The following GAS6 variants were observed in gnomAD, a reference collection of about 807,000 sequenced individuals.
The protein encoded by GAS6 is growth arrest specific 6.
In GAS6, 41 loss-of-function variants were observed where a neutral mutation model predicts 75.8. That is an observed-to-expected ratio of 0.54 (90% CI 0.42 to 0.70). GAS6 has a LOEUF of 0.70. GAS6 is among the 30% of genes least tolerant of loss of function. The pLI, the probability that GAS6 is intolerant of heterozygous loss-of-function variation, is 0.00. For missense variants in GAS6, 854 were observed against 940.2 expected (o/e 0.91, Z 1.20); for synonymous variants, 432 against 412.6 (o/e 1.05, Z -0.57).
rs1375102025 is a variant in GAS6 at position 113,863,420 on chromosome 13, G to A, written c.255+155C>T. 1.3e-5 allele frequency among the ~76,000 whole-genome samples: 2 copies of A among 152,102 alleles called. No homozygotes were observed. Among genetic ancestry groups the A allele is most frequent in the African/African-American group, 4.8e-5 (2 of 41,440 alleles). On this transcript the variant is annotated intron_variant, in intron 2 of 14. Transcript: ENST00000327773. This position sits in a 1 kb window ranked among gnomAD's most constrained non-coding sequence, Gnocchi z 9.4. ...GGATCCCGGGGTCGCCGGGGGATGG[G>A]CGTGGGGGACGCGGGGCGGGCCGGG... is the stretch of plus-strand genomic sequence containing the variant.
rs1048358374 is a variant in GAS6 at position 113,845,729 on chromosome 13, G to C, written c.343+798C>G. 3.6e-5 allele frequency: 5 copies of C among 140,844 alleles called. No individual in the cohort carries two copies. Among genetic ancestry groups the C allele is most frequent in the African/African-American group, 1.4e-4 (5 of 35,966 alleles). The allele number at this position is 140,844 out of a possible 1,614,324, so 8.7% of individuals were successfully genotyped here. A position where few individuals can be genotyped will look rare whatever the true frequency, so the allele number is the denominator to read the frequency against. ...ACAGTTTTTAAACCTATGAAGGACA[G>C]CTTTACTCATTAGTTAAAAAAAAAA... On this transcript the variant is annotated intron_variant, in intron 4 of 14. Coordinates refer to ENST00000327773, the MANE Select transcript of GAS6 (RefSeq NM_000820.4). This position sits in a 1 kb window ranked among gnomAD's most constrained non-coding sequence, Gnocchi z 4.3.
intron 14 of GAS6, 42 bp downstream of exon 14, chr13:113,821,916 T>C: frequency 1.4e-6 from 2 of 1,460,558 alleles, no homozygotes; most frequent in Non-Finnish European, 1.8e-6. Flanking sequence ...TGGGCCTCCC[T>C]GGAGCTCTTC....
At chr13:113,836,171 A>T in intron 6 of GAS6, 1 of 415,466 alleles carries the variant, frequency 2.4e-6, no homozygotes, top group Non-Finnish European at 2.9e-6. Flanking sequence ...TAGTCACCAG[A>T]GGAGAGCAAA....
chr13:113,823,801 C>T (rs2051493938), intron 12 of GAS6, among the ~76,000 whole-genome samples: 1 of 152,254 alleles, frequency 6.6e-6, no homozygotes, highest in Non-Finnish European at 1.5e-5. Flanking sequence ...CTGTAGGTGA[C>T]CACCAGGCCA....
chr13:113,846,577 T>C lies in GAS6; in HGVS notation c.293A>G (p.Lys98Arg), dbSNP rs2051835623. The change falls in exon 4 of 15, where the codon AAG (lysine) becomes AGG (arginine). Residue 98 changes from lysine (K) to arginine (R), a missense_variant. Coordinates refer to ENST00000327773, the MANE Select transcript of GAS6 (RefSeq NM_000820.4). ...GTTTTTGGTGTACGGAGACCCATAC[T>C]TGTTGATGCAGTCTGCAGGAAGAAA... ...FYPRYLDCIN[K>R]YGSPYTKNSG... 1 of 1,613,884 alleles carries C rather than the reference T, an allele frequency of 6.2e-7. No individual in the cohort carries two copies. Among genetic ancestry groups the C allele is most frequent in the African/African-American group, 1.3e-5 (1 of 74,942 alleles).
At chr13:113,862,330 C>T (rs779683540) in intron 2 of GAS6, among the ~76,000 whole-genome samples, 1 of 152,200 alleles carries the variant, frequency 6.6e-6, no homozygotes, top group African/African-American at 2.4e-5. Flanking sequence ...TCCCTGTGCA[C>T]GCAGAATGTT....
At chr13:113,854,785 G>A (rs1184886085) in intron 2 of GAS6, among the ~76,000 whole-genome samples, 2 of 152,266 alleles carry the variant, frequency 1.3e-5, no homozygotes, top group African/African-American at 4.8e-5. Context: ...CCACACAGCT[G>A]TTGGATGGGA....
chr13:113,850,978 A>C (rs2051868594), intron 2 of GAS6, among the ~76,000 whole-genome samples: 1 of 152,124 alleles, frequency 6.6e-6, no homozygotes, highest in Non-Finnish European at 1.5e-5. Flanking sequence ...TGGATGGGTG[A>C]ATAACCAGAT....
chr13:113,860,287 C>G (rs930242333), intron 2 of GAS6, among the ~76,000 whole-genome samples: 2 of 152,148 alleles, frequency 1.3e-5, no homozygotes, highest in Admixed American at 6.5e-5. Context: ...CACCAGCCCT[C>G]GGTGAATATT....
chr13:113,841,478 TCCATATGCCTCAATTTCC>T, intron 4 of GAS6: 7 of 152,066 alleles, frequency 4.6e-5, no homozygotes, highest in African/African-American at 1.8e-4. Flanking sequence ...CCCAGTTTCC[TCCATATGCCTCAATTTCC>T]TCCATACGCC....
intron 3 of GAS6, 46 bp downstream of exon 3, chr13:113,847,980 A>G: frequency 6.3e-7 from 1 of 1,575,324 alleles, no homozygotes; most frequent in Non-Finnish European, 8.7e-7. Context: ...CGCACCCCCA[A>G]CTATGCCTCT....
Position 113,863,253 on chromosome 13 carries a change from G to A in GAS6, c.255+322C>T, listed in dbSNP as rs1008576033. Among the ~76,000 whole-genome samples the A allele has an allele frequency of 6.6e-6, 1 of 152,220 alleles. No individual in the cohort carries two copies. Among genetic ancestry groups the A allele is most frequent in the African/African-American group, 2.4e-5 (1 of 41,470 alleles). ...TTCCTCACCTCCAGCCCAGCAGAGG[G>A]AGGGCCGCGGGGAAGCGGTTTGGGT... On this transcript the variant is annotated intron_variant, in intron 2 of 14. Coordinates refer to ENST00000327773, the MANE Select transcript of GAS6 (RefSeq NM_000820.4). The surrounding 1 kb of genome is among the most constrained non-coding windows in gnomAD (Gnocchi z 9.4).
chr13:113,858,873 A>C (rs200364526), intron 2 of GAS6, among the ~76,000 whole-genome samples: 28 of 144,984 alleles, frequency 1.9e-4, no homozygotes, highest in African/African-American at 2.6e-4. Context: ...ATGTGTGTAC[A>C]TGACTATGTA....
intron 4 of GAS6, chr13:113,841,945 CA>C (rs2051786531): frequency 7.2e-6 from 1 of 139,028 alleles, no homozygotes; most frequent in Admixed American, 7.1e-5. Flanking sequence ...TTCTTCCATA[CA>C]CCCCACAGTT....
intron 2 of GAS6, among the ~76,000 whole-genome samples, chr13:113,852,553 C>G (rs2051884260): frequency 6.6e-6 from 1 of 152,218 alleles, no homozygotes. Flanking sequence ...GAGTAGATGC[C>G]ACCTCCGGAC....
chr13:113,862,233 C>CT (rs1195558439), intron 2 of GAS6, among the ~76,000 whole-genome samples: 2 of 152,232 alleles, frequency 1.3e-5, no homozygotes, highest in African/African-American at 4.8e-5. Context: ...GCGGCCAGGC[C>CT]TTGCAGGGCT....
At chr13:113,835,923 C>T (rs1387063593) in intron 6 of GAS6, 13 of 1,267,936 alleles carry the variant, frequency 1.0e-5, no homozygotes, top group East Asian at 3.4e-5. Context: ...CGGCGGTGCA[C>T]GCTGTGCTGT....
At position 113,845,627 on chromosome 13, in the gene GAS6, T is replaced by A. The variant is rs1206742537; in HGVS notation, c.343+900A>T. 1 of 140,136 alleles carries A rather than the reference T, an allele frequency of 7.1e-6. No homozygotes were observed. The highest frequency in any genetic ancestry group is 1.5e-5 in the Non-Finnish European group (1 of 67,168). 8.7% of individuals were successfully genotyped at this position (140,136 alleles called of 1,614,324 possible). A position where few individuals can be genotyped will look rare whatever the true frequency, so the allele number is the denominator to read the frequency against. On this transcript the variant is annotated intron_variant, in intron 4 of 14. Coordinates refer to ENST00000327773, the MANE Select transcript of GAS6 (RefSeq NM_000820.4). This position sits in a 1 kb window ranked among gnomAD's most constrained non-coding sequence, Gnocchi z 4.3. The stretch of plus-strand genomic sequence containing the variant: ...AAATTTTTGATAACTTTACTACCAA[T>A]GGCTAATGTGCAAACTCCTACAAAT...
In GAS6 at chr13:113,848,712, G is replaced by A. The variant is rs982868057; in HGVS notation, c.256-662C>T. 6.6e-6 allele frequency among the ~76,000 whole-genome samples: 1 copy of A among 152,124 alleles called. No individual in the cohort carries two copies. The highest frequency in any genetic ancestry group is 2.4e-5 in the African/African-American group (1 of 41,418). The stretch of plus-strand genomic sequence containing the variant: ...TAGGGTCAACCATGCCAGCAGTTTG[G>A]CCCTAAATGCTCTAAACCAAGAGAC... On this transcript the variant is annotated intron_variant, in intron 2 of 14. Coordinates refer to ENST00000327773, the MANE Select transcript of GAS6 (RefSeq NM_000820.4). The surrounding 1 kb of genome is among the most constrained non-coding windows in gnomAD (Gnocchi z 4.8).
Sources: gnomAD v4.1 joint callset for allele counts (sites outside exome capture counted in the v4.1 genomes callset) on GRCh38, gnomAD v4.1.1 for gene constraint, Gnocchi (gnomAD v3.1) non-coding constraint, MANE v1.5 for transcripts, NCBI Gene and HGNC (gene_info 2026-07-23, HGNC 2026-07-21) for gene names.